The following CCDC14 variants were observed in gnomAD, a reference collection of about 807,000 sequenced individuals.
The protein encoded by CCDC14 is coiled-coil domain containing 14, also known as coiled-coil domain-containing protein 14.
CCDC14 carries 71 observed loss-of-function variants against 81.4 expected under a neutral mutation model. That is an observed-to-expected ratio of 0.87 (90% confidence interval 0.72 to 1.06). CCDC14 has a LOEUF of 1.06. Among genes scored for constraint, CCDC14 ranks in the 50% least tolerant of loss-of-function variants. The pLI, the probability that CCDC14 is intolerant of heterozygous loss-of-function variation, is 0.00. For missense variants in CCDC14, 1,046 were observed against 1,047.3 expected (o/e 1.00, Z 0.02); for synonymous variants, 332 against 364.8 (o/e 0.91, Z 1.03).
downstream of CCDC14, among the ~76,000 whole-genome samples, chr3:123,895,962 G>T (rs2034054991): frequency 6.6e-6 from 1 of 152,178 alleles, no homozygotes. Context: ...AGAGATAGCT[G>T]CATTCCCATG....
intron 1 of CCDC14, among the ~76,000 whole-genome samples, chr3:123,959,983 A>G (rs2037578185): frequency 1.3e-5 from 2 of 152,184 alleles, no homozygotes; most frequent in South Asian, 4.1e-4. Context: ...AAGCCTTTCT[A>G]TCTACTGAAA....
chr3:123,939,670 C>T (rs1009800452), intron 9 of CCDC14, among the ~76,000 whole-genome samples: 10 of 150,788 alleles, frequency 6.6e-5, no homozygotes, highest in Non-Finnish European at 1.2e-4. Flanking sequence ...TCTATTTTGC[C>T]TTGTGTGATT....
chr3:123,910,705 C>T (rs1010963989), downstream of CCDC14, among the ~76,000 whole-genome samples: 5 of 152,164 alleles, frequency 3.3e-5, no homozygotes, highest in Admixed American at 2.0e-4. Context: ...ATAAAAGGCA[C>T]AGGGAGGCTA....
At chr3:123,892,564 C>A (rs2034005039), downstream of CCDC14, among the ~76,000 whole-genome samples, 2 of 152,172 alleles carry the variant, frequency 1.3e-5, no homozygotes, top group Admixed American at 1.3e-4. Context: ...ACTTTCTGTC[C>A]AGAAAATGGG....
rs67990689 is a variant in CCDC14 at position 123,924,954 on chromosome 3, T to TACACAC, written c.1778+6142_1778+6147dup. 3.5e-3 allele frequency among the ~76,000 whole-genome samples: 523 copies of TACACAC among 147,376 alleles called. 2 individuals carry two copies. The highest frequency in any genetic ancestry group is 9.7e-3 in the African/African-American group (389 of 40,118). On this transcript the variant is annotated intron_variant, in intron 12 of 12. Coordinates refer to ENST00000409697, the MANE Select transcript of CCDC14 (RefSeq NM_001366335.1). ...ACACACATATATATGTATACATATA[T>TACACAC]ACACACACACACACACACACACACA...
chr3:123,891,505 T>A, the CCDC14 span, among the ~76,000 whole-genome samples: 3 of 152,264 alleles, frequency 2.0e-5, no homozygotes, highest in South Asian at 6.2e-4. Flanking sequence ...TATCTCAAGT[T>A]CAAAGTTCCA....
chr3:123,937,150 C>T (rs2036099848), intron 9 of CCDC14, among the ~76,000 whole-genome samples: 1 of 152,052 alleles, frequency 6.6e-6, no homozygotes, highest in African/African-American at 2.4e-5. Flanking sequence ...CCTATGAACA[C>T]TCATCAACAA....
At chr3:123,910,741 T>C (rs952422148), downstream of CCDC14, among the ~76,000 whole-genome samples, 5 of 152,092 alleles carry the variant, frequency 3.3e-5, no homozygotes, top group Non-Finnish European at 5.9e-5. Flanking sequence ...ATGTGTGTAA[T>C]AAAACTATTA....
At chr3:123,943,853 C>T (rs937782393) in intron 9 of CCDC14, among the ~76,000 whole-genome samples, 1 of 152,158 alleles carries the variant, frequency 6.6e-6, no homozygotes, top group Non-Finnish European at 1.5e-5. Context: ...TTGCCCTCTG[C>T]ATCTCTTCAT....
In CCDC14 at chr3:123,956,344, T is replaced by C. The variant is rs996153410; in HGVS notation, c.159+11A>G. 7.9e-6 allele frequency: 12 copies of C among 1,528,600 alleles called. No homozygotes were observed. Among genetic ancestry groups the C allele is most frequent in the Non-Finnish European group, 1.1e-5 (12 of 1,131,996 alleles). The allele number at this position is 1,528,600 out of a possible 1,614,324, so 94.7% of individuals were successfully genotyped here. On this transcript the variant is annotated intron_variant, in intron 3 of 12. Transcript: ENST00000409697. ...ATTAAAATAGTGTGTATTGTATCTATTCAATCTTACCTGACTTTCTGAATC... is the reference window on the plus strand; with the variant it reads ...ATTAAAATAGTGTGTATTGTATCTACTCAATCTTACCTGACTTTCTGAATC...
At chr3:123,886,473 C>A in the CCDC14 span, among the ~76,000 whole-genome samples, 4 of 151,950 alleles carry the variant, frequency 2.6e-5, no homozygotes, top group African/African-American at 9.7e-5. Context: ...TCTCGGCTCA[C>A]TGCAACCTCC....
chr3:123,960,404 G>A (rs1003615192), intron 1 of CCDC14, among the ~76,000 whole-genome samples: 53 of 152,320 alleles, frequency 3.5e-4, no homozygotes, highest in African/African-American at 1.2e-3. Flanking sequence ...AAAGAAGAAT[G>A]GACTCTGGCA....
chr3:123,906,978 T>C (rs2034326178), intron 5 of CCDC14, among the ~76,000 whole-genome samples: 1 of 152,226 alleles, frequency 6.6e-6, no homozygotes, highest in Non-Finnish European at 1.5e-5. Flanking sequence ...GGCCCTGGAC[T>C]CTTGCTTCTC....
chr3:123,956,138 G>A (rs2037315342), intron 3 of CCDC14, 23 bp from the exon 4 acceptor site: 2 of 1,522,050 alleles, frequency 1.3e-6, no homozygotes, highest in African/African-American at 2.8e-5. Flanking sequence ...AAGTCATTTA[G>A]AATACATTTG....
chr3:123,954,965 AG>A (rs932402040), intron 5 of CCDC14: 2 of 152,082 alleles, frequency 1.3e-5, no homozygotes, highest in African/African-American at 4.8e-5. Flanking sequence ...CTCCAAGATG[AG>A]TTAGGTTTCC....
chr3:123,904,635 A>AAG (rs55713141), intron 5 of CCDC14, among the ~76,000 whole-genome samples: 3 of 148,594 alleles, frequency 2.0e-5, no homozygotes, highest in African/African-American at 5.0e-5. Context: ...AAAAAAAAAA[A>AAG]CCCTGGGATG....
chr3:123,949,406 T>A (rs1577323882), intron 5 of CCDC14: 1 of 401,652 alleles, frequency 2.5e-6, no homozygotes, highest in East Asian at 4.7e-5. Context: ...CTCTCCTTCA[T>A]TTTAACACTT....
rs180711469 is a variant in CCDC14 at position 123,953,155 on chromosome 3, T to C, written c.352+2688A>G. 104 of 154,032 alleles carry C rather than the reference T, an allele frequency of 6.8e-4. 1 individual carries two copies. In the Middle Eastern group the frequency reaches 0.01, roughly 15 times the overall value. The allele number at this position is 154,032 out of a possible 1,614,324, so 9.5% of individuals were successfully genotyped here. ...GGTCTTCACCCTGGTCTCCCTGGAA[T>C]GCTGATCCATATGGGCTGCAAAAAG... On this transcript the variant is annotated intron_variant, in intron 5 of 12. Coordinates refer to ENST00000409697, the MANE Select transcript of CCDC14 (RefSeq NM_001366335.1).
chr3:123,888,204 C>G, the CCDC14 span, among the ~76,000 whole-genome samples: 1 of 152,056 alleles, frequency 6.6e-6, no homozygotes, highest in Non-Finnish European at 1.5e-5. Flanking sequence ...GACATTATAG[C>G]TTTAATTTTT....
Sources: gnomAD v4.1 joint callset for allele counts (sites outside exome capture counted in the v4.1 genomes callset) on GRCh38, gnomAD v4.1.1 for gene constraint, MANE v1.5 for transcripts, NCBI Gene and HGNC (gene_info 2026-07-23, HGNC 2026-07-21) for gene names.